SFMBT2: variants seen among roughly 807,000 people sequenced by gnomAD.
The protein encoded by SFMBT2 is Scm like with four mbt domains 2.
SFMBT2 carries 38 observed loss-of-function variants against 110.1 expected under a neutral mutation model. That is an observed-to-expected ratio of 0.35 (90% CI 0.27 to 0.45). The LOEUF is 0.45. Among genes scored for constraint, SFMBT2 ranks in the 20% least tolerant of loss-of-function variants. SFMBT2 has a pLI of 1.00. For synonymous variants in SFMBT2, 425 were observed against 425.4 expected, an observed-to-expected ratio of 1.00 and a Z score of 0.01; for missense variants, 1,011 against 1,094.9, an observed-to-expected ratio of 0.92 and a Z score of 1.08.
intron 4 of SFMBT2, among the ~76,000 whole-genome samples, chr10:7,288,175 G>A (rs1207708918): frequency 6.6e-5 from 10 of 152,112 alleles, no homozygotes; most frequent in Non-Finnish European, 1.5e-4. Context: ...AGCAGTGGCC[G>A]GACCTGCTGC....
chr10:7,211,302 T>C (rs545921635), intron 11 of SFMBT2, among the ~76,000 whole-genome samples: 1 of 152,108 alleles, frequency 6.6e-6, no homozygotes, highest in South Asian at 2.1e-4. Context: ...AAAAGCCAGG[T>C]CAACCCCAGA....
At chr10:7,201,503 A>G (rs1838957446) in intron 13 of SFMBT2, among the ~76,000 whole-genome samples, 2 of 152,184 alleles carry the variant, frequency 1.3e-5, no homozygotes, top group Admixed American at 1.3e-4. Context: ...TGAGCCAGAT[A>G]AACTGCATTT....
At chr10:7,320,565 T>C (rs1843155740) in intron 4 of SFMBT2, 2 of 981,228 alleles carry the variant, frequency 2.0e-6, no homozygotes, top group African/African-American at 1.7e-5. Flanking sequence ...AGATCAACAA[T>C]TGCAGAGAAC....
chr10:7,285,996 A>C (rs757071450), intron 4 of SFMBT2, 42 bp from the exon 5 acceptor site: 4 of 844,788 alleles, frequency 4.7e-6, no homozygotes, highest in South Asian at 2.7e-5. Context: ...CAAAACAAAA[A>C]AAACACTTCA....
chr10:7,297,067 G>A (rs1842425690), intron 4 of SFMBT2, among the ~76,000 whole-genome samples: 1 of 152,142 alleles, frequency 6.6e-6, no homozygotes, highest in Non-Finnish European at 1.5e-5. Flanking sequence ...ACATTCTATT[G>A]GTTCTACTTC....
At chr10:7,206,959 C>A (rs534813581) in intron 11 of SFMBT2, 1 of 984,744 alleles carries the variant, frequency 1.0e-6, no homozygotes, top group Admixed American at 6.1e-5. Flanking sequence ...GGTGTGGTGG[C>A]TCATGACTGT....
intron 20 of SFMBT2, among the ~76,000 whole-genome samples, chr10:7,166,968 A>G (rs111383248): frequency 4.6e-5 from 7 of 152,352 alleles, no homozygotes; most frequent in African/African-American, 1.7e-4. Context: ...AGCTGCCGGC[A>G]GATCACTTTT....
chr10:7,163,147 AAACC>A lies in SFMBT2; in HGVS notation c.*619_*622del, dbSNP rs1837594896. 1.7e-5 allele frequency: 3 copies of A among 174,192 alleles called. No individual in the cohort carries two copies. The highest frequency in any genetic ancestry group is 1.7e-4 in the Admixed American group (3 of 18,144). The allele number at this position is 174,192 out of a possible 1,614,324, so 10.8% of individuals were successfully genotyped here. A position where few individuals can be genotyped will look rare whatever the true frequency, so the allele number is the denominator to read the frequency against. ...ACAACAAACAAACAAACAAACAAACAAACCATCTAGTTGCATGGAGATGCCTGCC... is the reference window on the plus strand; with the variant it reads ...ACAACAAACAAACAAACAAACAAACAATCTAGTTGCATGGAGATGCCTGCC... On this transcript the variant is annotated 3_prime_UTR_variant, in exon 21 of 21. Transcript: ENST00000397167. This position sits in a 1 kb window ranked among gnomAD's most constrained non-coding sequence, Gnocchi z 4.8.
intron 12 of SFMBT2, chr10:7,205,259 A>T: frequency 7.4e-6 from 2 of 269,920 alleles, no homozygotes; most frequent in Non-Finnish European, 1.1e-5. Context: ...TTATATATGT[A>T]CTTCTTTTTT....
intron 1 of SFMBT2, among the ~76,000 whole-genome samples, chr10:7,410,576 G>A (rs904970773): frequency 6.6e-6 from 1 of 152,164 alleles, no homozygotes; most frequent in Non-Finnish European, 1.5e-5. Context: ...AGGGGACCCG[G>A]GAAGCAAAAA....
At chr10:7,231,569 T>G (rs944549797) in intron 9 of SFMBT2, among the ~76,000 whole-genome samples, 1 of 152,228 alleles carries the variant, frequency 6.6e-6, no homozygotes, top group African/African-American at 2.4e-5. Flanking sequence ...CGTGTTTTCT[T>G]GGACGTACAT....
chr10:7,260,505 A>G (rs1160310944), intron 7 of SFMBT2, among the ~76,000 whole-genome samples: 1 of 152,154 alleles, frequency 6.6e-6, no homozygotes, highest in Non-Finnish European at 1.5e-5. Context: ...CAGGCAGAGC[A>G]AGGCCCCCTC....
chr10:7,384,211 CAAAAAAAAA>C (rs59239303), intron 1 of SFMBT2, among the ~76,000 whole-genome samples: 1 of 27,976 alleles, frequency 3.6e-5, no homozygotes. Flanking sequence ...AACTCCATCT[CAAAAAAAAA>C]AAAAAAAAAA....
At chr10:7,184,483 C>T (rs1043431642) in intron 16 of SFMBT2, among the ~76,000 whole-genome samples, 3 of 152,168 alleles carry the variant, frequency 2.0e-5, no homozygotes, top group Admixed American at 2.0e-4. Flanking sequence ...GTCCATTTAA[C>T]CTTTTTTTCC....
chr10:7,266,914 C>T lies in SFMBT2; in HGVS notation c.870+9978G>A, dbSNP rs144655800. On this transcript the variant is annotated intron_variant, in intron 7 of 20. Transcript: ENST00000397167. ...GGCTGTGGTCCTCACAGAGGGGGCT[C>T]GCCTGCAAGGGGGGGTCTGTGGCTG... Among the ~76,000 whole-genome samples the T allele has an allele frequency of 2.2e-4, 34 of 152,134 alleles. No individual in the cohort carries two copies. In the East Asian group the frequency reaches 4.8e-3, roughly 22 times the overall value.
At chr10:7,401,536 G>A (rs1846082621) in intron 1 of SFMBT2, among the ~76,000 whole-genome samples, 1 of 152,144 alleles carries the variant, frequency 6.6e-6, no homozygotes. Context: ...TAAAACCAAC[G>A]ATGAAAGTAA....
intron 15 of SFMBT2, among the ~76,000 whole-genome samples, chr10:7,192,331 C>T (rs750702724): frequency 2.0e-5 from 3 of 152,168 alleles, no homozygotes; most frequent in South Asian, 2.1e-4. Flanking sequence ...AATACGAGAT[C>T]GTCATTCCTA....
chr10:7,179,449 G>A (rs1183997880), intron 16 of SFMBT2, among the ~76,000 whole-genome samples: 2 of 145,276 alleles, frequency 1.4e-5, no homozygotes, highest in Non-Finnish European at 3.0e-5. Flanking sequence ...AACACCGTAT[G>A]TTCCTCGTGT....
chr10:7,258,484 C>T (rs553217332), intron 7 of SFMBT2, among the ~76,000 whole-genome samples: 69 of 152,264 alleles, frequency 4.5e-4, no homozygotes, highest in Middle Eastern at 3.4e-3. Context: ...TTCCAACATG[C>T]CAGTTTTTTG....
Sources: gnomAD v4.1 joint callset for allele counts (sites outside exome capture counted in the v4.1 genomes callset) on GRCh38, gnomAD v4.1.1 for gene constraint, Gnocchi (gnomAD v3.1) non-coding constraint, MANE v1.5 for transcripts, NCBI Gene and HGNC (gene_info 2026-07-23, HGNC 2026-07-21) for gene names.